The following LYZL4 variants were observed in gnomAD, a reference collection of about 807,000 sequenced individuals.
The protein encoded by LYZL4 is lysozyme-like protein 4.
In LYZL4, 13 loss-of-function variants were observed where a neutral mutation model predicts 17.6. The ratio of observed to expected loss-of-function variants is 0.74; its 90% CI spans 0.48 to 1.18. The LOEUF (loss-of-function observed/expected upper bound fraction) is 1.18, where lower values mean the gene tolerates loss of function less well. Among genes scored for constraint, LYZL4 ranks in the 50% most tolerant of loss-of-function variants. LYZL4 has a pLI of 0.00. For missense variants in LYZL4, 174 were observed against 188.2 expected, an observed-to-expected ratio of 0.92 and a Z score of 0.44; for synonymous variants, 64 against 67.7, an observed-to-expected ratio of 0.95 and a Z score of 0.27.
At chr3:42,366,171 A>G in the LYZL4 span, among the ~76,000 whole-genome samples, 1 of 151,928 alleles carries the variant, frequency 6.6e-6, no homozygotes, top group Admixed American at 6.6e-5. Context: ...AGGATGCCAG[A>G]CCAGTTGGCC....
the LYZL4 span, among the ~76,000 whole-genome samples, chr3:42,374,122 T>C: frequency 1.3e-5 from 2 of 152,224 alleles, no homozygotes; most frequent in Admixed American, 6.5e-5. Flanking sequence ...ATTGCTATTT[T>C]AGCAAGTACC....
the LYZL4 span, among the ~76,000 whole-genome samples, chr3:42,374,899 T>G: frequency 6.6e-6 from 1 of 152,136 alleles, no homozygotes; most frequent in African/African-American, 2.4e-5. Context: ...CACAGCCCAC[T>G]GAAGCCTCAA....
the LYZL4 span, among the ~76,000 whole-genome samples, chr3:42,388,309 C>T: frequency 3.3e-5 from 5 of 152,170 alleles, no homozygotes; most frequent in East Asian, 1.9e-4. Flanking sequence ...TAATCAAGCA[C>T]GCCTGGATTT....
intron 3 of LYZL4, among the ~76,000 whole-genome samples, chr3:42,405,423 T>C (rs577780715): frequency 6.6e-6 from 1 of 152,304 alleles, no homozygotes; most frequent in East Asian, 1.9e-4. Flanking sequence ...TTTCCTCCTA[T>C]GTTGCAGTCC....
chr3:42,391,077 T>C, the LYZL4 span, among the ~76,000 whole-genome samples: 2 of 152,134 alleles, frequency 1.3e-5, no homozygotes, highest in Non-Finnish European at 2.9e-5. Flanking sequence ...CTGGAGACAA[T>C]ACATGTCCAG....
At chr3:42,395,482 T>A (rs1020784997), downstream of LYZL4, among the ~76,000 whole-genome samples, 19 of 152,184 alleles carry the variant, frequency 1.2e-4, no homozygotes, top group African/African-American at 4.6e-4. Context: ...GTAGTCCATG[T>A]CTGTAAGGGG....
chr3:42,394,062 G>C (rs148035736), downstream of LYZL4, among the ~76,000 whole-genome samples: 1 of 152,256 alleles, frequency 6.6e-6, no homozygotes, highest in Middle Eastern at 3.4e-3. Context: ...CAGAGTGCTG[G>C]GATTACAGGC....
At chr3:42,375,773 C>T in the LYZL4 span, among the ~76,000 whole-genome samples, 67 of 152,134 alleles carry the variant, frequency 4.4e-4, no homozygotes, top group Non-Finnish European at 7.2e-4. Context: ...TCTCTTTAGC[C>T]CTTTGACTCC....
downstream of LYZL4, among the ~76,000 whole-genome samples, chr3:42,396,459 C>T (rs1399579063): frequency 6.6e-6 from 1 of 152,208 alleles, no homozygotes. Flanking sequence ...CCCCTTGCTA[C>T]TTAAAGTTGA....
chr3:42,393,020 A>C (rs1385170176), downstream of LYZL4, among the ~76,000 whole-genome samples: 1 of 152,026 alleles, frequency 6.6e-6, no homozygotes, highest in African/African-American at 2.4e-5. Flanking sequence ...TAGTGGTGGA[A>C]AAATAGTGAG....
Position 42,406,966 on chromosome 3 carries a change from T to G in LYZL4, c.172A>C (p.Asn58His). 6.2e-7 allele frequency: 1 copy of G among 1,614,172 alleles called. No individual in the cohort carries two copies. The highest frequency in any genetic ancestry group is 1.6e-4 in the Middle Eastern group (1 of 6,062). The part of the protein sequence containing the change: ...VCLAYFESKF[N>H]PMAIYENTRE... ...GTGTTCTCGTAGATGGCCATGGGGT[T>G]GAACTTGCTCTCGAAGTAGGCCAGG... Residue 58 changes from asparagine (N) to histidine (H), a missense_variant, in exon 3 of 5, where the codon AAC becomes CAC. Coordinates refer to ENST00000287748, the MANE Select transcript of LYZL4 (RefSeq NM_144634.4).
At chr3:42,406,373 G>A (rs975662610) in intron 3 of LYZL4, among the ~76,000 whole-genome samples, 4 of 142,974 alleles carry the variant, frequency 2.8e-5, no homozygotes, top group African/African-American at 5.2e-5. Context: ...AGAATGGCAC[G>A]AAGCCAGGAG....
Position 42,397,343 on chromosome 3 carries a change from A to T in LYZL4, c.372-9T>A. Reference sequence around the variant, plus strand: ...ACCGGGACCAGGTGGGCCTGTGGAGAGAAGTGAACAGGAAGGGCTCCTCAA... The same window carrying T: ...ACCGGGACCAGGTGGGCCTGTGGAGTGAAGTGAACAGGAAGGGCTCCTCAA... On this transcript the variant is annotated splice_polypyrimidine_tract_variant and intron_variant, in intron 4 of 4. Transcript: ENST00000287748. 1 of 1,560,940 alleles carries T rather than the reference A, an allele frequency of 6.4e-7. No individual in the cohort carries two copies. The highest frequency in any genetic ancestry group is 8.7e-7 in the Non-Finnish European group (1 of 1,150,082).
chr3:42,391,457 G>A, the LYZL4 span, among the ~76,000 whole-genome samples: 1 of 152,178 alleles, frequency 6.6e-6, no homozygotes, highest in Non-Finnish European at 1.5e-5. Flanking sequence ...AGGAATATAG[G>A]TGGCCCAAAA....
chr3:42,364,144 C>T, the LYZL4 span, among the ~76,000 whole-genome samples: 2 of 152,242 alleles, frequency 1.3e-5, no homozygotes, highest in African/African-American at 4.8e-5. Context: ...CTTCTCATGG[C>T]CTCCCCGGCA....
At chr3:42,399,934 GTAATGGCAAAAACCACCATTACTCT>G (rs1200367568) in intron 4 of LYZL4, among the ~76,000 whole-genome samples, 7 of 136,428 alleles carry the variant, frequency 5.1e-5, no homozygotes, top group Admixed American at 4.9e-4. Flanking sequence ...GCCATTAAGA[GTAATGGCAAAAACCACCATTACTCT>G]TAATGGCAAA....
chr3:42,393,955 C>T (rs1051451720), downstream of LYZL4, among the ~76,000 whole-genome samples: 2 of 152,124 alleles, frequency 1.3e-5, no homozygotes, highest in Admixed American at 6.5e-5. Context: ...CCATACCCAG[C>T]TAATTTTTTG....
At chr3:42,364,614 G>T in the LYZL4 span, among the ~76,000 whole-genome samples, 1 of 151,902 alleles carries the variant, frequency 6.6e-6, no homozygotes, top group Non-Finnish European at 1.5e-5. Context: ...CAAAGTGCTG[G>T]GATTACAGGC....
chr3:42,394,001 C>A (rs1007265551), downstream of LYZL4, among the ~76,000 whole-genome samples: 1 of 152,270 alleles, frequency 6.6e-6, no homozygotes, highest in Non-Finnish European at 1.5e-5. Flanking sequence ...CCATGTTGGC[C>A]AGGCTGGTCT....
Sources: allele counts gnomAD v4.1 joint callset (sites outside exome capture counted in the v4.1 genomes callset), GRCh38; gene constraint gnomAD v4.1.1; transcripts MANE v1.5; gene names NCBI Gene and HGNC (gene_info 2026-07-23, HGNC 2026-07-21).